Variants in BMPR1B observed in about 807,000 individuals in gnomAD.
The protein encoded by BMPR1B is bone morphogenetic protein receptor type-1B.
BMPR1B carries 12 observed loss-of-function variants against 59.1 expected under a neutral mutation model. That is an observed-to-expected ratio of 0.20 (90% CI 0.13 to 0.33). The LOEUF (loss-of-function observed/expected upper bound fraction) is 0.33. BMPR1B is among the 10% of genes least tolerant of loss of function. BMPR1B has a pLI of 1.00. For synonymous variants in BMPR1B, 237 were observed against 207.3 expected (o/e 1.14, Z -1.23); for missense variants, 550 against 610.9 (o/e 0.90, Z 1.05).
At chr4:95,150,336 G>T (rs1357485954) in intron 11 of BMPR1B, among the ~76,000 whole-genome samples, 3 of 151,892 alleles carry the variant, frequency 2.0e-5, no homozygotes, top group Non-Finnish European at 4.4e-5. Context: ...ATAAAGAGTA[G>T]ATAAGCCTCA....
chr4:94,917,983 C>CT (rs1362610187), intron 2 of BMPR1B, among the ~76,000 whole-genome samples: 1 of 152,024 alleles, frequency 6.6e-6, no homozygotes, highest in African/African-American at 2.4e-5. Context: ...TCCTCACTCT[C>CT]TTTCTCCTGC....
chr4:94,908,548 A>G (rs886412546), intron 2 of BMPR1B, among the ~76,000 whole-genome samples: 5 of 151,684 alleles, frequency 3.3e-5, no homozygotes, highest in African/African-American at 7.3e-5. Context: ...TTCTACATCA[A>G]TGATCTGTAA....
At chr4:95,127,455 A>G (rs1732989102) in intron 8 of BMPR1B, among the ~76,000 whole-genome samples, 2 of 152,176 alleles carry the variant, frequency 1.3e-5, no homozygotes, top group South Asian at 4.1e-4. Context: ...AAATTATAAA[A>G]TGTATTATCG....
intron 3 of BMPR1B, among the ~76,000 whole-genome samples, chr4:95,048,335 G>T (rs762995633): frequency 2.6e-5 from 4 of 152,144 alleles, no homozygotes; most frequent in Non-Finnish European, 4.4e-5. Context: ...TGGGTAGAAT[G>T]GTAGTTGGTA....
At chr4:95,134,120 A>G (rs1170675136) in intron 10 of BMPR1B, among the ~76,000 whole-genome samples, 2 of 151,928 alleles carry the variant, frequency 1.3e-5, no homozygotes, top group Admixed American at 1.3e-4. Context: ...AGAACATGCG[A>G]TGTTTGGTTT....
At chr4:95,135,153 T>G (rs779884909) in intron 10 of BMPR1B, among the ~76,000 whole-genome samples, 9 of 152,240 alleles carry the variant, frequency 5.9e-5, no homozygotes, top group Non-Finnish European at 1.3e-4. Context: ...CTCAGGTTTG[T>G]CAAGGGTCAG....
At chr4:94,909,550 TC>T (rs1261415196) in intron 2 of BMPR1B, among the ~76,000 whole-genome samples, 4 of 151,988 alleles carry the variant, frequency 2.6e-5, no homozygotes, top group African/African-American at 4.8e-5. Context: ...CATAGAACAA[TC>T]CCCAGCAAAA....
chr4:94,969,308 C>G (rs1027052553), intron 2 of BMPR1B, among the ~76,000 whole-genome samples: 1 of 152,054 alleles, frequency 6.6e-6, no homozygotes, highest in Non-Finnish European at 1.5e-5. Flanking sequence ...GTGTTGGGAT[C>G]ACAGCTGTGA....
Position 94,844,475 on chromosome 4 carries a change from C to G in BMPR1B, c.-182-31356C>G, listed in dbSNP as rs558790566. 6.6e-5 allele frequency among the ~76,000 whole-genome samples: 10 copies of G among 152,258 alleles called. No individual in the cohort carries two copies. The South Asian group carries it at 2.1e-3, about 32-fold the overall frequency. ...AGAGATCCTACAAGTGAATGACTTA[C>G]CTCTGGTCAGCTTCTCTGCTCAAGA... On this transcript the variant is annotated intron_variant, in intron 1 of 12. Coordinates refer to ENST00000515059, the MANE Select transcript of BMPR1B (RefSeq NM_001203.3).
intron 1 of BMPR1B, among the ~76,000 whole-genome samples, chr4:94,823,965 C>G (rs1205448312): frequency 6.6e-6 from 1 of 152,122 alleles, no homozygotes; most frequent in East Asian, 1.9e-4. Flanking sequence ...CCAGGATGGT[C>G]TCAATCTCCT....
intron 2 of BMPR1B, among the ~76,000 whole-genome samples, chr4:94,944,464 A>G (rs1360814097): frequency 1.3e-5 from 2 of 152,216 alleles, no homozygotes; most frequent in African/African-American, 4.8e-5. Context: ...CTTAAAATCA[A>G]TAATGCATTA....
At chr4:94,839,962 A>C (rs553163664) in intron 1 of BMPR1B, among the ~76,000 whole-genome samples, 1 of 151,690 alleles carries the variant, frequency 6.6e-6, no homozygotes, top group Non-Finnish European at 1.5e-5. Context: ...CCTGGTGGTG[A>C]CAAAAATCTC....
At chr4:95,105,316 C>T (rs943881315) in intron 4 of BMPR1B, among the ~76,000 whole-genome samples, 3 of 151,878 alleles carry the variant, frequency 2.0e-5, no homozygotes, top group Admixed American at 1.3e-4. Flanking sequence ...GCACAGCCCT[C>T]GAGTTAAAAT....
At chr4:94,953,229 G>T (rs1239768670) in intron 2 of BMPR1B, among the ~76,000 whole-genome samples, 4 of 152,152 alleles carry the variant, frequency 2.6e-5, no homozygotes. Flanking sequence ...GCCAGTGTGT[G>T]CCTTTTAATT....
At chr4:94,804,481 C>T (rs1723533129) in intron 1 of BMPR1B, among the ~76,000 whole-genome samples, 1 of 152,016 alleles carries the variant, frequency 6.6e-6, no homozygotes, top group African/African-American at 2.4e-5. Flanking sequence ...TTAACTATGG[C>T]TGTACCTATC....
chr4:95,023,761 C>T (rs1724157580), intron 3 of BMPR1B, among the ~76,000 whole-genome samples: 1 of 152,042 alleles, frequency 6.6e-6, no homozygotes, highest in South Asian at 2.1e-4. Flanking sequence ...AATATAAACC[C>T]ACAAATAAAA....
At chr4:94,934,571 A>C (rs1047815213) in intron 2 of BMPR1B, among the ~76,000 whole-genome samples, 8 of 150,758 alleles carry the variant, frequency 5.3e-5, no homozygotes, top group Admixed American at 1.3e-4. Flanking sequence ...CAGTGCCAGG[A>C]TACGACTGAG....
chr4:95,012,931 T>G (rs776886044), intron 3 of BMPR1B, among the ~76,000 whole-genome samples: 1 of 152,106 alleles, frequency 6.6e-6, no homozygotes, highest in Non-Finnish European at 1.5e-5. Context: ...AACAAATAGG[T>G]GCCTATCCAA....
chr4:95,082,168 G>A (rs1340578524), intron 3 of BMPR1B, among the ~76,000 whole-genome samples: 1 of 121,112 alleles, frequency 8.3e-6, no homozygotes, highest in Non-Finnish European at 1.6e-5. Flanking sequence ...AGAGTGTGAT[G>A]TTCCCCTTCC....
Sources: allele counts gnomAD v4.1 joint callset (sites outside exome capture counted in the v4.1 genomes callset), GRCh38; gene constraint gnomAD v4.1.1; transcripts MANE v1.5; gene names NCBI Gene and HGNC (gene_info 2026-07-23, HGNC 2026-07-21).